The following DDX31 variants were observed in gnomAD, a reference collection of about 807,000 sequenced individuals.
DDX31 encodes the protein ATP-dependent DNA helicase DDX31.
In DDX31, 70 loss-of-function variants were observed where a neutral mutation model predicts 91.3. The ratio of observed to expected loss-of-function variants is 0.77; its 90% CI spans 0.63 to 0.94. The LOEUF (loss-of-function observed/expected upper bound fraction) is 0.94. DDX31 is among the 40% of genes least tolerant of loss of function. The probability of loss-of-function intolerance (pLI) is 0.00; values close to 1 mark genes in which losing one functional copy is unlikely to be tolerated. For missense variants in DDX31, 902 were observed against 925.0 expected (o/e 0.98, Z 0.32); for synonymous variants, 362 against 350.6 (o/e 1.03, Z -0.36).
rs191880225 is a variant in DDX31 at position 132,667,106 on chromosome 9, C to T, written c.75+2754G>A. On this transcript the variant is annotated intron_variant, in intron 1 of 19. Transcript: ENST00000372159. ...TCAAGTGATCTGCCTGCCTCGGCCT[C>T]CCAAAGTGATGAGATTACAGGTGTG... Among the ~76,000 whole-genome samples, 545 of 152,004 alleles carry T rather than the reference C, an allele frequency of 3.6e-3. 5 individuals are homozygous for T. The highest frequency in any genetic ancestry group is 0.012 in the African/African-American group (516 of 41,478).
At chr9:132,644,403 T>G (rs1833687972) in intron 13 of DDX31, among the ~76,000 whole-genome samples, 1 of 152,150 alleles carries the variant, frequency 6.6e-6, no homozygotes, top group Non-Finnish European at 1.5e-5. Context: ...TTAAAGGAAG[T>G]ACAATTATCA....
intron 18 of DDX31, among the ~76,000 whole-genome samples, chr9:132,615,250 T>C (rs1294090415): frequency 6.6e-6 from 1 of 152,170 alleles, no homozygotes; most frequent in Non-Finnish European, 1.5e-5. Context: ...GACATTTGGA[T>C]CAGAAACTAG....
intron 17 of DDX31, among the ~76,000 whole-genome samples, chr9:132,624,755 A>G (rs1345401634): frequency 2.0e-5 from 3 of 152,204 alleles, no homozygotes; most frequent in African/African-American, 4.8e-5. Context: ...AATAGAGGCT[A>G]TGGCTATCTC....
At chr9:132,622,849 G>A (rs1338671996) in intron 17 of DDX31, among the ~76,000 whole-genome samples, 1 of 152,184 alleles carries the variant, frequency 6.6e-6, no homozygotes, top group Non-Finnish European at 1.5e-5. Context: ...ATGCCCTTTG[G>A]GCCGCGTGTG....
Position 132,653,786 on chromosome 9 carries a change from T to C in DDX31, c.589-1294A>G, listed in dbSNP as rs546144114. On this transcript the variant is annotated intron_variant, in intron 6 of 19. Transcript: ENST00000372159. ...GATGCTAATAAAAATGCCACAAATG[T>C]GTATATATAAAATAACATATATAAC... 8.5e-5 allele frequency among the ~76,000 whole-genome samples: 13 copies of C among 152,124 alleles called. No individual in the cohort carries two copies. In the South Asian group the frequency reaches 2.3e-3, roughly 27 times the overall value.
intron 14 of DDX31, among the ~76,000 whole-genome samples, chr9:132,640,302 T>C (rs1331085637): frequency 6.6e-6 from 1 of 152,004 alleles, no homozygotes; most frequent in Non-Finnish European, 1.5e-5. Context: ...CATGGTAGTG[T>C]TCCAGGCAGA....
At position 132,607,553 on chromosome 9, in the gene DDX31, T is replaced by G. The variant is rs190211796; in HGVS notation, c.1994+4534A>C. On this transcript the variant is annotated intron_variant, in intron 19 of 19. Transcript: ENST00000372159. The stretch of plus-strand genomic sequence containing the variant: ...AAAACCAGTCTTAGGTACTATAAAC[T>G]GAATCGTCTGGGCAAAAACTACTGT... Among the ~76,000 whole-genome samples the G allele has an allele frequency of 4.7e-3, 715 of 152,312 alleles. 7 individuals are homozygous for G. The highest frequency in any genetic ancestry group is 6.6e-3 in the Non-Finnish European group (451 of 68,022).
chr9:132,598,853 C>T (rs1318513809), intron 19 of DDX31, among the ~76,000 whole-genome samples: 1 of 152,224 alleles, frequency 6.6e-6, no homozygotes, highest in African/African-American at 2.4e-5. Flanking sequence ...ATCTAGCTTG[C>T]TACTGCTTTA....
At chr9:132,629,917 A>T (rs1590027838) in intron 16 of DDX31, among the ~76,000 whole-genome samples, 1 of 152,360 alleles carries the variant, frequency 6.6e-6, no homozygotes, top group Non-Finnish European at 1.5e-5. Context: ...AACTTTGAAG[A>T]TACAAACCAT....
chr9:132,622,818 T>C (rs186768795), intron 17 of DDX31, among the ~76,000 whole-genome samples: 115 of 152,276 alleles, frequency 7.6e-4, no homozygotes, highest in African/African-American at 2.7e-3. Flanking sequence ...ATAATCCTGA[T>C]AGTTACAGTA....
intron 1 of DDX31, among the ~76,000 whole-genome samples, chr9:132,667,107 C>T (rs996579696): frequency 2.0e-5 from 3 of 151,834 alleles, no homozygotes; most frequent in Non-Finnish European, 4.4e-5. Context: ...CCTCGGCCTC[C>T]CAAAGTGATG....
At position 132,662,578 on chromosome 9, in the gene DDX31, T is replaced by C. The variant is rs746227478; in HGVS notation, c.193A>G (p.Thr65Ala). ...ATTTTTTGTGCGTTCCCCTTAAAAG[T>C]CCTCTGAGTTTCTTTAACACTAGTT... ...KKTSVKETQR[T>A]FKGNAQKMFS... The change falls in exon 2 of 20, where the codon ACT (threonine) becomes GCT (alanine). Residue 65 changes from threonine (T) to alanine (A), a missense_variant. Physicochemically the swap from Thr to Ala is moderately conservative, Grantham distance 58. Transcript: ENST00000372159. 9 of 1,614,226 alleles carry C rather than the reference T, an allele frequency of 5.6e-6. No individual in the cohort carries two copies. Among genetic ancestry groups the C allele is most frequent in the Non-Finnish European group, 7.6e-6 (9 of 1,180,044 alleles).
intron 13 of DDX31, among the ~76,000 whole-genome samples, chr9:132,644,837 T>C (rs1487479252): frequency 1.3e-5 from 2 of 152,204 alleles, no homozygotes; most frequent in African/African-American, 4.8e-5. Flanking sequence ...GACCAAGAGT[T>C]TACCTAATGC....
At chr9:132,603,026 G>A (rs146043789) in intron 19 of DDX31, among the ~76,000 whole-genome samples, 87 of 151,558 alleles carry the variant, frequency 5.7e-4, no homozygotes, top group African/African-American at 2.0e-3. Context: ...TCACATGACC[G>A]GGCTCCGAGT....
intron 6 of DDX31, among the ~76,000 whole-genome samples, chr9:132,654,962 A>AAAAG (rs1286822866): frequency 6.6e-6 from 1 of 151,630 alleles, no homozygotes; most frequent in Non-Finnish European, 1.5e-5. Context: ...AAAAAAAAAA[A>AAAAG]AAGAAGAAGA....
intron 11 of DDX31, among the ~76,000 whole-genome samples, chr9:132,647,695 C>T (rs1216740868): frequency 1.3e-5 from 2 of 152,152 alleles, no homozygotes; most frequent in Non-Finnish European, 2.9e-5. Context: ...ACAACTTTTC[C>T]AAGCCTTCGT....
intron 19 of DDX31, among the ~76,000 whole-genome samples, chr9:132,604,730 T>C (rs566619154): frequency 1.3e-5 from 2 of 152,190 alleles, no homozygotes; most frequent in Non-Finnish European, 2.9e-5. Context: ...GCACATTCTG[T>C]TTCCCCATAT....
intron 5 of DDX31, among the ~76,000 whole-genome samples, chr9:132,659,428 G>A (rs1256393947): frequency 6.6e-6 from 1 of 152,156 alleles, no homozygotes; most frequent in Non-Finnish European, 1.5e-5. Flanking sequence ...AGTGAGAATG[G>A]GCAACTGTGG....
In DDX31 at chr9:132,641,910, G is replaced by T. The variant is rs866964237; in HGVS notation, c.1440+94C>A. Reference sequence around the variant, plus strand: ...CCCCTAGTGTTCCTGGGCCCTGTAGGACTGACCACAGGACAAACTGTCAAG... The same window carrying T: ...CCCCTAGTGTTCCTGGGCCCTGTAGTACTGACCACAGGACAAACTGTCAAG... On this transcript the variant is annotated intron_variant, in intron 14 of 19. Coordinates refer to ENST00000372159, the MANE Select transcript of DDX31 (RefSeq NM_022779.9). 297 of 1,338,232 alleles carry T rather than the reference G, an allele frequency of 2.2e-4. No homozygotes were observed. In the Middle Eastern group the frequency reaches 5.2e-3, roughly 23 times the overall value. 82.9% of individuals were successfully genotyped at this position (1,338,232 alleles called of 1,614,324 possible). A position where few individuals can be genotyped will look rare whatever the true frequency, so the allele number is the denominator to read the frequency against.
Sources: gnomAD v4.1 joint callset for allele counts (sites outside exome capture counted in the v4.1 genomes callset) on GRCh38, gnomAD v4.1.1 for gene constraint, MANE v1.5 for transcripts, NCBI Gene and HGNC (gene_info 2026-07-23, HGNC 2026-07-21) for gene names.